Variants in ADRA1D observed in about 807,000 individuals in gnomAD.
The protein encoded by ADRA1D is alpha-1D adrenergic receptor.
A neutral mutation model predicts 18.6 loss-of-function variants in ADRA1D; 22 were observed. The observed-to-expected ratio is 1.19, with a 90% CI of 0.85 to 1.69. The LOEUF is 1.69. ADRA1D is among the 40% of genes most tolerant of loss of function. The pLI, the probability that ADRA1D is intolerant of heterozygous loss-of-function variation, is 0.00. For synonymous variants in ADRA1D, 376 were observed against 388.2 expected, an observed-to-expected ratio of 0.97 and a Z score of 0.37; for missense variants, 840 against 840.7, an observed-to-expected ratio of 1.00 and a Z score of 0.01.
At chr20:4,240,900 G>A (rs902271021) in intron 1 of ADRA1D, among the ~76,000 whole-genome samples, 3 of 152,162 alleles carry the variant, frequency 2.0e-5, no homozygotes, top group East Asian at 1.9e-4. Flanking sequence ...CAGGTACACA[G>A]GGGTTCATTA....
intron 1 of ADRA1D, among the ~76,000 whole-genome samples, chr20:4,238,973 G>T (rs567526554): frequency 6.6e-6 from 1 of 151,986 alleles, no homozygotes; most frequent in Admixed American, 6.6e-5. Context: ...GTGAAGGCTT[G>T]GTCAAGGCTG....
At position 4,221,444 on chromosome 20, in the gene ADRA1D, G is replaced by T. The variant is rs61759831; in HGVS notation, c.*79C>A. ...TTCCGGGTCTCCGATTTGCACGGGG[G>T]CTCTTAGAACACCAGCCCGCCTCTC... is the stretch of plus-strand genomic sequence containing the variant. On this transcript the variant is annotated 3_prime_UTR_variant, in exon 2 of 2. Coordinates refer to ENST00000379453, the MANE Select transcript of ADRA1D (RefSeq NM_000678.4). 6.6e-3 allele frequency: 9,578 copies of T among 1,457,414 alleles called. 51 individuals are homozygous for T. Among genetic ancestry groups the T allele is most frequent in the Non-Finnish European group, 7.5e-3 (8,042 of 1,076,676 alleles). 90.3% of individuals were successfully genotyped at this position (1,457,414 alleles called of 1,614,324 possible).
At chr20:4,245,473 T>C (rs1270033924) in intron 1 of ADRA1D, among the ~76,000 whole-genome samples, 2 of 152,152 alleles carry the variant, frequency 1.3e-5, no homozygotes, top group African/African-American at 2.4e-5. Context: ...GGAGGGGATC[T>C]AGTTATGGCT....
rs761008526 is a variant in ADRA1D, at chr20:4,248,900, C to T, written c.58G>A (p.Ala20Thr). 7.3e-5 allele frequency: 95 copies of T among 1,297,778 alleles called. No homozygotes were observed. The Middle Eastern group carries it at 1.2e-3, about 17-fold the overall frequency. The allele number at this position is 1,297,778 out of a possible 1,614,324, so 80.4% of individuals were successfully genotyped here. ...CCGCCGCCCGCGCTGGAGCCCCCTG[C>T]GCTGCTGTCCGGGCGGGGTCCCTCG... ...SFEGPRPDSS[A>T]GGSSAGGGGG... The change falls in exon 1 of 2, where the codon GCA becomes ACA. Residue 20 changes from alanine to threonine, a missense_variant. Coordinates refer to ENST00000379453, the MANE Select transcript of ADRA1D (RefSeq NM_000678.4).
chr20:4,245,011 C>T (rs189393392), intron 1 of ADRA1D, among the ~76,000 whole-genome samples: 5 of 152,306 alleles, frequency 3.3e-5, no homozygotes, highest in African/African-American at 7.2e-5. Context: ...ACATGTGAGG[C>T]GCAGCAGAAA....
chr20:4,227,788 T>C (rs1980856158), intron 1 of ADRA1D, among the ~76,000 whole-genome samples: 1 of 149,102 alleles, frequency 6.7e-6, no homozygotes, highest in East Asian at 2.1e-4. Flanking sequence ...TTCTTTTTTT[T>C]TGACATGGGG....
chr20:4,247,600 A>T (rs1304506881), intron 1 of ADRA1D, among the ~76,000 whole-genome samples: 1 of 152,222 alleles, frequency 6.6e-6, no homozygotes, highest in Non-Finnish European at 1.5e-5. Flanking sequence ...GCATAAGCCC[A>T]AGGCTTGGAA....
At chr20:4,234,111 C>T in intron 1 of ADRA1D, among the ~76,000 whole-genome samples, 1 of 152,206 alleles carries the variant, frequency 6.6e-6, no homozygotes, top group South Asian at 2.1e-4. Flanking sequence ...GCCTGGCCCA[C>T]ATATTGTTGG....
Position 4,241,583 on chromosome 20 carries a change from G to A in ADRA1D, c.1111+6264C>T, listed in dbSNP as rs182701772. ...TTTACTGAGCACCTATTATGTTCCA[G>A]GTGCCACAAAGCACAGGTAGGAGAT... On this transcript the variant is annotated intron_variant, in intron 1 of 1. Transcript: ENST00000379453. Among the ~76,000 whole-genome samples the A allele has an allele frequency of 1.1e-3, 168 of 152,210 alleles. 1 individual carries two copies. Among genetic ancestry groups the A allele is most frequent in the African/African-American group, 3.9e-3 (161 of 41,530 alleles).
chr20:4,244,287 T>C (rs961849557), intron 1 of ADRA1D, among the ~76,000 whole-genome samples: 3 of 152,190 alleles, frequency 2.0e-5, no homozygotes, highest in African/African-American at 7.2e-5. Context: ...ACATTGTTTC[T>C]CAATCTCTCC....
At chr20:4,243,539 G>A (rs1389086517) in intron 1 of ADRA1D, among the ~76,000 whole-genome samples, 1 of 152,200 alleles carries the variant, frequency 6.6e-6, no homozygotes, top group Admixed American at 6.5e-5. Context: ...CTCCAAAGTG[G>A]AGCATCTCTG....
At chr20:4,242,807 C>T (rs4815675) in intron 1 of ADRA1D, among the ~76,000 whole-genome samples, 83,220 of 151,752 alleles carry the variant, frequency 0.55, 23,366 homozygotes, top group East Asian at 0.62. Flanking sequence ...GAGCTGGGAT[C>T]GAAAGCCTGG....
chr20:4,226,380 T>C (rs1980800507), intron 1 of ADRA1D, among the ~76,000 whole-genome samples: 2 of 152,162 alleles, frequency 1.3e-5, no homozygotes, highest in South Asian at 4.1e-4. Context: ...AAGTTTTTAA[T>C]TTGGGAGGTA....
intron 1 of ADRA1D, among the ~76,000 whole-genome samples, chr20:4,238,606 C>T (rs905119343): frequency 7.2e-5 from 11 of 152,144 alleles, no homozygotes; most frequent in African/African-American, 2.4e-4. Flanking sequence ...AGGGCTGCCT[C>T]GAGGCAGCAG....
At position 4,249,064 on chromosome 20, in the gene ADRA1D, G is replaced by T; in HGVS notation, c.-107C>A. On this transcript the variant is annotated 5_prime_UTR_variant, in exon 1 of 2. Coordinates refer to ENST00000379453, the MANE Select transcript of ADRA1D (RefSeq NM_000678.4). ...GGCTCCAGATGCAGCTCCGCGCACG[G>T]GTCCCGTCGGGGTCCTGCCCAAGTT... is the stretch of plus-strand genomic sequence containing the variant. 1 of 881,490 alleles carries T rather than the reference G, an allele frequency of 1.1e-6. No individual in the cohort carries two copies. Among genetic ancestry groups the T allele is most frequent in the Non-Finnish European group, 1.4e-6 (1 of 711,576 alleles). 54.6% of individuals were successfully genotyped at this position (881,490 alleles called of 1,614,324 possible).
At chr20:4,224,993 GT>G (rs562415272) in intron 1 of ADRA1D, among the ~76,000 whole-genome samples, 2,536 of 120,048 alleles carry the variant, frequency 0.021, 75 homozygotes, top group African/African-American at 0.071. Flanking sequence ...GGCCATCTAA[GT>G]TTTTTTTTTT....
In ADRA1D at chr20:4,221,649, T is replaced by G; in HGVS notation, c.1593A>C (p.Ala531=). Residue 531 remains alanine, a synonymous_variant, in exon 2 of 2, where the codon GCA becomes GCC. Transcript: ENST00000379453. ...CCACCTCTGAGCGCTGGGCGCACGC[T>G]GCCTCTGCGCGCTGCGCGCCCCCGG... ...IRAGGAQRAE[A]ACAQRSEVEA... The G allele has an allele frequency of 6.2e-7, 1 of 1,612,804 alleles. No homozygotes were observed. Among genetic ancestry groups the G allele is most frequent in the South Asian group, 1.1e-5 (1 of 91,020 alleles).
At chr20:4,243,526 T>A (rs1047563829) in intron 1 of ADRA1D, among the ~76,000 whole-genome samples, 1 of 152,234 alleles carries the variant, frequency 6.6e-6, no homozygotes, top group Non-Finnish European at 1.5e-5. Flanking sequence ...CACTACGTTC[T>A]ATCTCCAAAG....
At chr20:4,231,264 A>G (rs1429903561) in intron 1 of ADRA1D, among the ~76,000 whole-genome samples, 2 of 118,924 alleles carry the variant, frequency 1.7e-5, no homozygotes, top group Non-Finnish European at 3.4e-5. Context: ...CACCTGGCTA[A>G]TTGTTATTAT....
Sources: gnomAD v4.1 joint callset for allele counts (sites outside exome capture counted in the v4.1 genomes callset) on GRCh38, gnomAD v4.1.1 for gene constraint, MANE v1.5 for transcripts, NCBI Gene and HGNC (gene_info 2026-07-23, HGNC 2026-07-21) for gene names.